ARHGAP33: variants seen among roughly 807,000 people sequenced by gnomAD.
ARHGAP33 encodes the protein Rho GTPase activating protein 33.
ARHGAP33 carries 57 observed loss-of-function variants against 126.2 expected under a neutral mutation model. The ratio of observed to expected loss-of-function variants is 0.45; its 90% CI spans 0.36 to 0.56. ARHGAP33 has a LOEUF of 0.56. Among genes scored for constraint, ARHGAP33 ranks in the 20% least tolerant of loss-of-function variants. The pLI is 0.00. For synonymous variants in ARHGAP33, 711 were observed against 755.0 expected (o/e 0.94, Z 0.95); for missense variants, 1,500 against 1,748.3 (o/e 0.86, Z 2.53).
intron 8 of ARHGAP33, 30 bp downstream of exon 8, chr19:35,780,528 G>A: frequency 1.2e-6 from 2 of 1,612,178 alleles, no homozygotes; most frequent in Non-Finnish European, 1.7e-6. Flanking sequence ...GACAGGTGGG[G>A]CTGGGGTACC....
At chr19:35,777,782 G>A (rs944469507) in intron 2 of ARHGAP33, 40 bp downstream of exon 2, 2 of 1,613,650 alleles carry the variant, frequency 1.2e-6, no homozygotes, top group African/African-American at 2.7e-5. Flanking sequence ...AGGAGCTGGG[G>A]AGACTCAAGG....
rs1972120232 is a variant in ARHGAP33, at chr19:35,786,552, C to G, written c.2082C>G (p.Ser694=). 1 of 1,536,158 alleles carries G rather than the reference C, an allele frequency of 6.5e-7. No individual in the cohort carries two copies. Residue 694 remains serine, a synonymous_variant, in exon 20 of 21, where the codon TCC becomes TCG. Transcript: ENST00000007510. The surrounding 1 kb of genome is among the most constrained non-coding windows in gnomAD (Gnocchi z 7.0). ...SESSSSESSS[S]SSESSAAGLG... ...CCTCCTCCTCTGAGTCCTCCTCTTC[C>G]TCCTCTGAGTCCTCAGCAGCTGGGC...
chr19:35,784,337 G>T lies in ARHGAP33; in HGVS notation c.1567+20G>T, dbSNP rs773494848. On this transcript the variant is annotated intron_variant, in intron 16 of 20. Transcript: ENST00000007510. Reference sequence around the variant, plus strand: ...CTGCAGGTATGCCCTCCCACCCCCTGAGGTCCTGGCTACTGCCCACCACGA... The same window carrying T: ...CTGCAGGTATGCCCTCCCACCCCCTTAGGTCCTGGCTACTGCCCACCACGA... 3 of 1,541,570 alleles carry T rather than the reference G, an allele frequency of 1.9e-6. No individual in the cohort carries two copies. In the Admixed American group the frequency reaches 5.5e-5, roughly 28 times the overall value.
rs1307024500 is a variant in ARHGAP33 at position 35,782,650 on chromosome 19, C to T, written c.1284C>T (p.Val428=). 1.2e-6 allele frequency: 2 copies of T among 1,613,342 alleles called. No homozygotes were observed. Among genetic ancestry groups the T allele is most frequent in the South Asian group, 1.1e-5 (1 of 90,954 alleles). Residue 428 remains valine (V), a synonymous_variant, in exon 14 of 21, where the codon GTC becomes GTT. Coordinates refer to ENST00000007510, the MANE Select transcript of ARHGAP33 (RefSeq NM_001366178.1). This position sits in a 1 kb window ranked among gnomAD's most constrained non-coding sequence, Gnocchi z 4.1. The part of the protein sequence containing the change: ...EEERLVRVHD[V]IQQLPPPHYR... ...AGCGTCTGGTGCGGGTGCACGATGTCATCCAGCAGCTGCCCCCACCACATT... is the reference window on the plus strand; with the variant it reads ...AGCGTCTGGTGCGGGTGCACGATGTTATCCAGCAGCTGCCCCCACCACATT...
intron 1 of ARHGAP33, among the ~76,000 whole-genome samples, chr19:35,775,959 AG>A (rs1230344735): frequency 4.0e-5 from 6 of 151,560 alleles, no homozygotes; most frequent in African/African-American, 1.5e-4. Flanking sequence ...TGGCCCCTGC[AG>A]GGGCCTCCTG....
rs1476291344 is a variant in ARHGAP33, at chr19:35,786,848, T to G, written c.2378T>G (p.Leu793Arg). 1.3e-6 allele frequency: 2 copies of G among 1,584,294 alleles called. No individual in the cohort carries two copies. Among genetic ancestry groups the G allele is most frequent in the Admixed American group, 3.4e-5 (2 of 58,090 alleles). ...ACCAGCCCCGCCTCGCCTGCTGCCC[T>G]AGACATCTCAGAGCCCCTGGCTGTA... Reference protein sequence around the residue: ...GPTSPASPAALDISEPLAVSV... With the variant: ...GPTSPASPAARDISEPLAVSV... Residue 793 changes from leucine (L) to arginine (R), a missense_variant, in exon 20 of 21, where the codon CTA (leucine) becomes CGA (arginine). Transcript: ENST00000007510. The surrounding 1 kb of genome is among the most constrained non-coding windows in gnomAD (Gnocchi z 7.0).
rs1401685601 is a variant in ARHGAP33 at position 35,786,675 on chromosome 19, C to A, written c.2205C>A (p.Leu735=). 6.5e-7 allele frequency: 1 copy of A among 1,535,758 alleles called. No individual in the cohort carries two copies. Among genetic ancestry groups the A allele is most frequent in the Admixed American group, 2.0e-5 (1 of 50,980 alleles). ...DFSPPRCLEG[L]RGLDFDPLTF... is the part of the protein sequence containing the mutation. ...GCCCACCCCGCTGCCTGGAGGGACT[C>A]CGGGGGCTGGACTTTGATCCCTTAA... The change falls in exon 20 of 21, where the codon CTC becomes CTA. Residue 735 remains leucine (L), a synonymous_variant. Transcript: ENST00000007510. This position sits in a 1 kb window ranked among gnomAD's most constrained non-coding sequence, Gnocchi z 7.0.
rs772293323 is a variant in ARHGAP33 at position 35,778,574 on chromosome 19, G to GC, written c.387dup (p.Glu130ArgfsTer27). 1.2e-6 allele frequency: 2 copies of GC among 1,613,828 alleles called. No individual in the cohort carries two copies. Among genetic ancestry groups the GC allele is most frequent in the Admixed American group, 1.7e-5 (1 of 59,998 alleles). The stretch of plus-strand genomic sequence containing the variant: ...TCTCCTGCCTTCCGGAGCTTCCCCC[G>GC]CCCCCCGAGGGTGCCAGGGCTGCCC... On this transcript the variant is annotated frameshift_variant, in exon 5 of 21. Coordinates refer to ENST00000007510, the MANE Select transcript of ARHGAP33 (RefSeq NM_001366178.1). LOFTEE classifies it high-confidence loss of function.
chr19:35,775,908 G>A (rs1971429899), intron 1 of ARHGAP33, among the ~76,000 whole-genome samples: 1 of 151,942 alleles, frequency 6.6e-6, no homozygotes, highest in Non-Finnish European at 1.5e-5. Context: ...TGGGCTGGGA[G>A]GAGGCGGGGC....
chr19:35,784,074 T>C (rs955398769), intron 15 of ARHGAP33, 98 bp from the exon 16 acceptor site: 2 of 1,055,912 alleles, frequency 1.9e-6, no homozygotes, highest in Non-Finnish European at 2.8e-6. Context: ...AGGTGTTGAA[T>C]AGACAGTCAC....
intron 6 of ARHGAP33, 130 bp from the exon 7 acceptor site, chr19:35,780,081 C>A: frequency 1.5e-6 from 2 of 1,311,222 alleles, no homozygotes; most frequent in Non-Finnish European, 2.1e-6. Context: ...AGGTGTTTGA[C>A]CAATAGCTCT....
At position 35,788,510 on chromosome 19, in the gene ARHGAP33, T is replaced by A; in HGVS notation, c.*81T>A. On this transcript the variant is annotated 3_prime_UTR_variant, in exon 21 of 21. Transcript: ENST00000007510. ...CAACCAAATCCCTTGTTTTGTATTT[T>A]CTTGAACCCCGACCACTACCCCAGG... 12 of 1,295,776 alleles carry A rather than the reference T, an allele frequency of 9.3e-6. No homozygotes were observed. Among genetic ancestry groups the A allele is most frequent in the Non-Finnish European group, 1.2e-5 (12 of 972,908 alleles). The allele number at this position is 1,295,776 out of a possible 1,614,324, so 80.3% of individuals were successfully genotyped here. A position where few individuals can be genotyped will look rare whatever the true frequency, so the allele number is the denominator to read the frequency against.
rs758748710 is a variant in ARHGAP33 at position 35,788,006 on chromosome 19, T to G, written c.3441T>G (p.Pro1147=). 44 of 1,300,786 alleles carry G rather than the reference T, an allele frequency of 3.4e-5. No individual in the cohort carries two copies. Among genetic ancestry groups the G allele is most frequent in the Non-Finnish European group, 4.4e-5 (43 of 982,722 alleles). The allele number at this position is 1,300,786 out of a possible 1,614,324, so 80.6% of individuals were successfully genotyped here. A position where few individuals can be genotyped will look rare whatever the true frequency, so the allele number is the denominator to read the frequency against. The part of the protein sequence containing the change: ...SYPPAPSCFP[P]DHLGYSAPQH... Reference sequence around the variant, plus strand: ...CGCCAGCCCCCTCCTGCTTTCCCCCTGACCACCTTGGCTACTCAGCCCCCC... The same window carrying G: ...CGCCAGCCCCCTCCTGCTTTCCCCCGGACCACCTTGGCTACTCAGCCCCCC... The change falls in exon 21 of 21, where the codon CCT becomes CCG. Residue 1147 remains proline (P), a synonymous_variant. Coordinates refer to ENST00000007510, the MANE Select transcript of ARHGAP33 (RefSeq NM_001366178.1).
At position 35,782,478 on chromosome 19, in the gene ARHGAP33, G is replaced by C; in HGVS notation, c.1191G>C (p.Pro397=). 6.2e-7 allele frequency: 1 copy of C among 1,613,416 alleles called. No homozygotes were observed. Among genetic ancestry groups the C allele is most frequent in the South Asian group, 1.1e-5 (1 of 91,064 alleles). Reference sequence around the variant, plus strand: ...GCAAGCTCTACTTCCGAGAGCTTCCGAACCCTCTGCTCACCTACCAGCTCT... The same window carrying C: ...GCAAGCTCTACTTCCGAGAGCTTCCCAACCCTCTGCTCACCTACCAGCTCT... ...SLCKLYFREL[P]NPLLTYQLYG... is the part of the protein sequence containing the mutation. The change falls in exon 13 of 21, where the codon CCG becomes CCC. Residue 397 remains proline (P), a synonymous_variant. Transcript: ENST00000007510. The surrounding 1 kb of genome is among the most constrained non-coding windows in gnomAD (Gnocchi z 4.1).
Position 35,787,787 on chromosome 19 carries a change from C to A in ARHGAP33, c.3222C>A (p.Gly1074=), listed in dbSNP as rs769143242. The part of the protein sequence containing the change: ...SPAPVWRSSL[G]PPAPLDRGEN... ...CCCCAGTCTGGAGGAGCTCTCTGGG[C>A]CCCCCTGCACCACTCGACAGGGGAG... Residue 1074 remains glycine, a synonymous_variant, in exon 21 of 21, where the codon GGC becomes GGA. Coordinates refer to ENST00000007510, the MANE Select transcript of ARHGAP33 (RefSeq NM_001366178.1). The A allele has an allele frequency of 1.3e-6, 2 of 1,578,084 alleles. No individual in the cohort carries two copies. The highest frequency in any genetic ancestry group is 1.2e-5 in the South Asian group (1 of 85,794).
chr19:35,786,817 G>T lies in ARHGAP33; in HGVS notation c.2347G>T (p.Gly783Trp), dbSNP rs1374038107. ...GACCCCCCAGGCCATCTCGCCCCGG[G>T]GGCCCACCAGCCCCGCCTCGCCTGC... Reference protein sequence around the residue: ...RVTPQAISPRGPTSPASPAAL... With the variant: ...RVTPQAISPRWPTSPASPAAL... Residue 783 changes from glycine to tryptophan, a missense_variant, in exon 20 of 21, where the codon GGG becomes TGG. Physicochemically the swap from Gly to Trp is radical, Grantham distance 184. This residue lies in a region of ARHGAP33 where 73 missense variants were observed against 110.8 expected (regional missense o/e 0.66). Coordinates refer to ENST00000007510, the MANE Select transcript of ARHGAP33 (RefSeq NM_001366178.1). The surrounding 1 kb of genome is among the most constrained non-coding windows in gnomAD (Gnocchi z 7.0). 6.5e-7 allele frequency: 1 copy of T among 1,540,878 alleles called. No homozygotes were observed. The highest frequency in any genetic ancestry group is 8.7e-7 in the Non-Finnish European group (1 of 1,146,926).
chr19:35,787,278 G>A lies in ARHGAP33; in HGVS notation c.2713G>A (p.Ala905Thr). 1 of 1,612,404 alleles carries A rather than the reference G, an allele frequency of 6.2e-7. No homozygotes were observed. The highest frequency in any genetic ancestry group is 8.5e-7 in the Non-Finnish European group (1 of 1,179,556). The change falls in exon 21 of 21, where the codon GCT becomes ACT. Residue 905 changes from alanine to threonine, a missense_variant. Ala to Thr is a moderately conservative substitution (Grantham distance 58, BLOSUM62 0). Transcript: ENST00000007510. Reference sequence around the variant, plus strand: ...AGCACGCCTCATGGCCCTGGCCCTGGCTGAGCGGGCTCAGCAGGTGGCCGA... The same window carrying A: ...AGCACGCCTCATGGCCCTGGCCCTGACTGAGCGGGCTCAGCAGGTGGCCGA... ...NPARLMALALAERAQQVAEQQ... is the reference protein window; with the variant it reads ...NPARLMALALTERAQQVAEQQ...
chr19:35,786,580 G>C lies in ARHGAP33; in HGVS notation c.2110G>C (p.Gly704Arg). Reference protein sequence around the residue: ...SSSESSAAGLGALSGSPSHRT... With the variant: ...SSSESSAAGLRALSGSPSHRT... Reference sequence around the variant, plus strand: ...CTCTGAGTCCTCAGCAGCTGGGCTGGGGGCACTCTCTGGGTCTCCCTCACA... The same window carrying C: ...CTCTGAGTCCTCAGCAGCTGGGCTGCGGGCACTCTCTGGGTCTCCCTCACA... The change falls in exon 20 of 21, where the codon GGG (glycine) becomes CGG (arginine). Residue 704 changes from glycine (G) to arginine (R), a missense_variant. Physicochemically the swap from Gly to Arg is moderately radical, Grantham distance 125. This residue lies in a region of ARHGAP33 where 300 missense variants were observed against 291.1 expected (regional missense o/e 1.03). Coordinates refer to ENST00000007510, the MANE Select transcript of ARHGAP33 (RefSeq NM_001366178.1). The surrounding 1 kb of genome is among the most constrained non-coding windows in gnomAD (Gnocchi z 7.0). 3.3e-6 allele frequency: 5 copies of C among 1,536,004 alleles called. No homozygotes were observed. The highest frequency in any genetic ancestry group is 3.5e-6 in the Non-Finnish European group (4 of 1,146,832).
At position 35,786,543 on chromosome 19, in the gene ARHGAP33, C is replaced by T; in HGVS notation, c.2073C>T (p.Ser691=). Residue 691 remains serine, a synonymous_variant, in exon 20 of 21, where the codon TCC becomes TCT. Coordinates refer to ENST00000007510, the MANE Select transcript of ARHGAP33 (RefSeq NM_001366178.1). The surrounding 1 kb of genome is among the most constrained non-coding windows in gnomAD (Gnocchi z 7.0). The part of the protein sequence containing the change: ...SSSSESSSSE[S]SSSSSESSAA... Reference sequence around the variant, plus strand: ...CCTCCGAGTCCTCCTCCTCTGAGTCCTCCTCTTCCTCCTCTGAGTCCTCAG... The same window carrying T: ...CCTCCGAGTCCTCCTCCTCTGAGTCTTCCTCTTCCTCCTCTGAGTCCTCAG... The T allele has an allele frequency of 1.3e-6, 2 of 1,536,110 alleles. No individual in the cohort carries two copies. The highest frequency in any genetic ancestry group is 1.4e-5 in the African/African-American group (1 of 73,124).
Sources: allele counts gnomAD v4.1 joint callset (sites outside exome capture counted in the v4.1 genomes callset), GRCh38; gene constraint gnomAD v4.1.1; regional missense constraint gnomAD v4.1.1; non-coding constraint Gnocchi (gnomAD v3.1); transcripts MANE v1.5; gene names NCBI Gene and HGNC (gene_info 2026-07-23, HGNC 2026-07-21).